Variants in GRM4 observed in about 807,000 individuals in gnomAD.
GRM4 encodes the protein metabotropic glutamate receptor 4.
GRM4 carries 28 observed loss-of-function variants against 81.7 expected under a neutral mutation model. The observed-to-expected ratio is 0.34, with a 90% CI of 0.25 to 0.47. GRM4 has a LOEUF of 0.47. GRM4 is among the 20% of genes least tolerant of loss of function. The pLI, the probability that GRM4 is intolerant of heterozygous loss-of-function variation, is 1.00. For missense variants in GRM4, 948 were observed against 1,290.0 expected, an observed-to-expected ratio of 0.73 and a Z score of 4.06; for synonymous variants, 488 against 528.8, an observed-to-expected ratio of 0.92 and a Z score of 1.06.
chr6:34,119,990 G>C (rs1769741989), intron 2 of GRM4, among the ~76,000 whole-genome samples: 1 of 152,168 alleles, frequency 6.6e-6, no homozygotes, highest in South Asian at 2.1e-4. Context: ...GGGTGCGCAG[G>C]GAATAATGGC....
intron 2 of GRM4, among the ~76,000 whole-genome samples, chr6:34,120,940 T>C (rs1005826194): frequency 1.3e-5 from 2 of 152,234 alleles, no homozygotes; most frequent in Non-Finnish European, 2.9e-5. Context: ...TACTGGAAGA[T>C]ATCAATATGT....
chr6:34,099,681 G>T (rs1768728943), intron 2 of GRM4, among the ~76,000 whole-genome samples: 2 of 152,090 alleles, frequency 1.3e-5, no homozygotes, highest in African/African-American at 4.8e-5. Flanking sequence ...GCCCCACGGA[G>T]GCCTCACACA....
rs1160601181 is a variant in GRM4, at chr6:34,080,847, TACACAC to T, written c.736+11030_736+11035del. ...TCTCTCTCTCACACACACACACACA[TACACAC>T]ACACATACACATACATATACACACA... On this transcript the variant is annotated intron_variant, in intron 3 of 10. Transcript: ENST00000538487. The surrounding 1 kb of genome is among the most constrained non-coding windows in gnomAD (Gnocchi z 5.4). Among the ~76,000 whole-genome samples, 24,928 of 137,584 alleles carry T rather than the reference TACACAC, an allele frequency of 0.18. 2,650 individuals carry two copies. Among genetic ancestry groups the T allele is most frequent in the African/African-American group, 0.36 (12,108 of 33,914 alleles). 90.3% of individuals were successfully genotyped at this position (137,584 alleles called of 152,430 possible).
At chr6:34,139,596 G>C (rs963881849) in intron 1 of GRM4, among the ~76,000 whole-genome samples, 2 of 152,138 alleles carry the variant, frequency 1.3e-5, no homozygotes, top group South Asian at 4.1e-4. Flanking sequence ...ACAATGACCA[G>C]GCTGGGAGCA....
chr6:34,112,288 A>T (rs577989196), intron 2 of GRM4, among the ~76,000 whole-genome samples: 1 of 152,130 alleles, frequency 6.6e-6, no homozygotes, highest in Non-Finnish European at 1.5e-5. Context: ...GGGAGGCAGC[A>T]TCTCCCTGCT....
chr6:34,083,785 C>T (rs1767736143), intron 3 of GRM4, among the ~76,000 whole-genome samples: 1 of 152,184 alleles, frequency 6.6e-6, no homozygotes, highest in Non-Finnish European at 1.5e-5. Flanking sequence ...TACTTGGATA[C>T]AAGCTAAAGC....
chr6:34,150,907 C>T (rs1771031675), upstream of GRM4, among the ~76,000 whole-genome samples: 1 of 152,166 alleles, frequency 6.6e-6, no homozygotes, highest in African/African-American at 2.4e-5. Flanking sequence ...ATTCTCAGAG[C>T]AGGGCAGCAA....
In GRM4 at chr6:34,067,327, G is replaced by GTCCTTTCT. The variant is rs368487803; in HGVS notation, c.737-5307_737-5300dup. ...TTCCCAAGGTCAGGGTCAGGTCTAT[G>GTCCTTTCT]TCCTTTCTTCCTTTCTTCCTCTCTT... is the stretch of plus-strand genomic sequence containing the variant. On this transcript the variant is annotated intron_variant, in intron 3 of 10. Transcript: ENST00000538487. 4.6e-5 allele frequency among the ~76,000 whole-genome samples: 7 copies of GTCCTTTCT among 151,912 alleles called. No homozygotes were observed. The East Asian group carries it at 1.4e-3, about 30-fold the overall frequency.
chr6:34,045,378 GC>G, intron 6 of GRM4, among the ~76,000 whole-genome samples: 1 of 152,354 alleles, frequency 6.6e-6, no homozygotes, highest in South Asian at 2.1e-4. Flanking sequence ...GGCTTCACTG[GC>G]CCCCTCACAG....
chr6:34,076,793 A>AC (rs1405231627), intron 3 of GRM4, among the ~76,000 whole-genome samples: 1 of 151,934 alleles, frequency 6.6e-6, no homozygotes, highest in Non-Finnish European at 1.5e-5. Flanking sequence ...TCCCCACCCC[A>AC]CCCCAGAAAA....
chr6:34,052,036 C>T lies in GRM4; in HGVS notation c.1168+4508G>A, dbSNP rs550778843. Among the ~76,000 whole-genome samples the T allele has an allele frequency of 3.9e-5, 6 of 152,358 alleles. No homozygotes were observed. The South Asian group carries it at 6.2e-4, about 16-fold the overall frequency. On this transcript the variant is annotated intron_variant, in intron 6 of 10. Transcript: ENST00000538487. ...ATCCAACCCTGACCCCTTCAGCACA[C>T]ACCAGTCCAGCCTCCAGCTGCCAGC... is the stretch of plus-strand genomic sequence containing the variant.
Position 34,018,919 on chromosome 6 carries a change from G to C in GRM4, c.*3902C>G, listed in dbSNP as rs1249992242. ...ATGACAGAAGGAGCCCTCAGTGCCA[G>C]GGGAGTGCCTCAGTTTCCCCTCCCT... On this transcript the variant is annotated 3_prime_UTR_variant, in exon 11 of 11. Transcript: ENST00000538487. 1 of 152,466 alleles carries C rather than the reference G, an allele frequency of 6.6e-6. No homozygotes were observed. Among genetic ancestry groups the C allele is most frequent in the Non-Finnish European group, 1.5e-5 (1 of 68,166 alleles). The allele number at this position is 152,466 out of a possible 1,614,324, so 9.4% of individuals were successfully genotyped here.
At chr6:34,088,891 G>C (rs926980709) in intron 3 of GRM4, among the ~76,000 whole-genome samples, 1 of 151,124 alleles carries the variant, frequency 6.6e-6, no homozygotes, top group Admixed American at 6.6e-5. Flanking sequence ...GGGAATGCCA[G>C]TGCCAGGGCT....
At position 34,155,227 on chromosome 6, in the gene GRM4, C is replaced by A. The variant is rs913864602; in HGVS notation, c.164G>T (p.Cys55Phe). 32 of 1,535,608 alleles carry A rather than the reference C, an allele frequency of 2.1e-5. No individual in the cohort carries two copies. In the African/African-American group the frequency reaches 3.8e-4, roughly 18 times the overall value. ...GGGGCCTCTTGTGCGCACCCACACA[C>A]ACCGGCAAAATCCAAAGGACCTGGG... The change falls in exon 1 of 9, where the codon TGT becomes TTT. Residue 55 changes from cysteine to phenylalanine, a missense_variant. Physicochemically the swap from Cys to Phe is radical, Grantham distance 205. Transcript: ENST00000374177.
At chr6:34,145,194 A>T (rs1220633604) in intron 1 of GRM4, among the ~76,000 whole-genome samples, 1 of 151,590 alleles carries the variant, frequency 6.6e-6, no homozygotes, top group African/African-American at 2.4e-5. Context: ...CGGTGCCCAG[A>T]GCCCGGGCCG....
chr6:34,033,221 AC>A (rs1764519792), intron 9 of GRM4, among the ~76,000 whole-genome samples: 1 of 152,132 alleles, frequency 6.6e-6, no homozygotes. Context: ...GCTGAAGCAG[AC>A]CCAGTCTCAG....
chr6:34,086,409 C>G (rs958307701), intron 3 of GRM4, among the ~76,000 whole-genome samples: 1 of 152,180 alleles, frequency 6.6e-6, no homozygotes, highest in Admixed American at 6.5e-5. Context: ...TCTGGAATAT[C>G]AATGGAGGGC....
chr6:34,027,560 G>A (rs926426598), intron 10 of GRM4, among the ~76,000 whole-genome samples: 2 of 152,218 alleles, frequency 1.3e-5, no homozygotes, highest in African/African-American at 2.4e-5. Flanking sequence ...CCATGTCCCG[G>A]GTCCCCATAG....
At chr6:34,031,902 A>G (rs1764446624) in intron 9 of GRM4, among the ~76,000 whole-genome samples, 1 of 152,102 alleles carries the variant, frequency 6.6e-6, no homozygotes, top group Non-Finnish European at 1.5e-5. Flanking sequence ...ACCTGCATTG[A>G]CACATACACC....
Sources: gnomAD v4.1 joint callset for allele counts (sites outside exome capture counted in the v4.1 genomes callset) on GRCh38, gnomAD v4.1.1 for gene constraint, Gnocchi (gnomAD v3.1) non-coding constraint, MANE v1.5 for transcripts, NCBI Gene and HGNC (gene_info 2026-07-23, HGNC 2026-07-21) for gene names.